GCSAML: variants seen among roughly 807,000 people sequenced by gnomAD.
GCSAML encodes germinal center-associated signaling and motility-like protein.
A neutral mutation model predicts 13.0 loss-of-function variants in GCSAML; 9 were observed. The observed-to-expected ratio is 0.69, with a 90% CI of 0.42 to 1.21. The LOEUF is 1.21. GCSAML is among the 50% of genes most tolerant of loss of function. The pLI, the probability that GCSAML is intolerant of heterozygous loss-of-function variation, is 0.00. For synonymous variants in GCSAML, 37 were observed against 52.9 expected (o/e 0.70, Z 1.31); for missense variants, 143 against 153.4 (o/e 0.93, Z 0.36).
chr1:247,556,398 T>C lies in GCSAML; in HGVS notation c.30-9T>C, dbSNP rs771930409. ...CAATCTCTCTTTTTTCTTATGTGTT[T>C]CCATATAGTTGCCTGGGAGAGAATC... On this transcript the variant is annotated splice_polypyrimidine_tract_variant and intron_variant, in intron 1 of 4. Transcript: ENST00000366488. 6.2e-7 allele frequency: 1 copy of C among 1,600,546 alleles called. No homozygotes were observed. The highest frequency in any genetic ancestry group is 1.7e-5 in the Admixed American group (1 of 59,428).
At chr1:247,568,275 C>G (rs1424510461) in intron 4 of GCSAML, among the ~76,000 whole-genome samples, 1 of 152,050 alleles carries the variant, frequency 6.6e-6, no homozygotes, top group Admixed American at 6.6e-5. Flanking sequence ...ATGGTATTGC[C>G]CAAGTTTTCT....
chr1:247,543,439 G>A (rs1667471869), intron 2 of GCSAML, among the ~76,000 whole-genome samples: 1 of 152,200 alleles, frequency 6.6e-6, no homozygotes, highest in Admixed American at 6.5e-5. Context: ...TTTATCATAA[G>A]TATGTATAGG....
chr1:247,553,735 G>A (rs995995485), intron 1 of GCSAML, among the ~76,000 whole-genome samples: 1 of 152,114 alleles, frequency 6.6e-6, no homozygotes, highest in East Asian at 1.9e-4. Context: ...CAAGGAGCTG[G>A]GATTACAGGC....
At chr1:247,571,884 G>A (rs1295829246) in intron 4 of GCSAML, among the ~76,000 whole-genome samples, 1 of 152,062 alleles carries the variant, frequency 6.6e-6, no homozygotes, top group Non-Finnish European at 1.5e-5. Context: ...ATATTTCTTG[G>A]AGGCTTTGTT....
At chr1:247,516,398 T>C (rs529263129) in intron 1 of GCSAML, among the ~76,000 whole-genome samples, 2 of 152,290 alleles carry the variant, frequency 1.3e-5, no homozygotes, top group South Asian at 4.1e-4. Flanking sequence ...ATTCCTTGTG[T>C]CCATGTTACA....
At chr1:247,573,137 C>G (rs1668690192) in intron 4 of GCSAML, among the ~76,000 whole-genome samples, 1 of 152,222 alleles carries the variant, frequency 6.6e-6, no homozygotes, top group Non-Finnish European at 1.5e-5. Context: ...TGAGCAAGAC[C>G]ACTTGGCTCC....
At chr1:247,530,140 GAA>G (rs1666860021) in intron 2 of GCSAML, 2 of 152,020 alleles carry the variant, frequency 1.3e-5, no homozygotes, top group Non-Finnish European at 2.9e-5. Flanking sequence ...AGTACGAAAG[GAA>G]AGACTACTTT....
At chr1:247,556,749 G>A (rs966450763) in intron 2 of GCSAML, among the ~76,000 whole-genome samples, 9 of 152,186 alleles carry the variant, frequency 5.9e-5, no homozygotes, top group Non-Finnish European at 1.3e-4. Context: ...TTGGTTATAT[G>A]TGGTGGCCAT....
chr1:247,576,846 C>T lies in GCSAML; in HGVS notation c.*2464C>T, dbSNP rs1053905202. 5.9e-5 allele frequency: 9 copies of T among 152,124 alleles called. No individual in the cohort carries two copies. Among genetic ancestry groups the T allele is most frequent in the East Asian group, 1.9e-4 (1 of 5,194 alleles). 9.4% of individuals were successfully genotyped at this position (152,124 alleles called of 1,614,324 possible). On this transcript the variant is annotated 3_prime_UTR_variant, in exon 5 of 5. Coordinates refer to ENST00000366488, the MANE Select transcript of GCSAML (RefSeq NM_145278.5). ...GAAAATGACAAAATTTTTTACTTTT[C>T]GTCTGCCTTTGTAGCTGTTTTATGA...
At chr1:247,559,498 G>A (rs888767871) in intron 2 of GCSAML, among the ~76,000 whole-genome samples, 1 of 152,030 alleles carries the variant, frequency 6.6e-6, no homozygotes, top group Non-Finnish European at 1.5e-5. Flanking sequence ...AGTGTGAGAA[G>A]GTCCCTGTGA....
Position 247,552,975 on chromosome 1 carries a change from T to A in GCSAML, c.30-3432T>A, listed in dbSNP as rs1387343879. ...TTCACCATATTGGCCAGGCTGGTCT[T>A]GAACTCCTGACCTTGTGATCTACCT... On this transcript the variant is annotated intron_variant, in intron 1 of 4. Coordinates refer to ENST00000366488, the MANE Select transcript of GCSAML (RefSeq NM_145278.5). Among the ~76,000 whole-genome samples, 2 of 152,144 alleles carry A rather than the reference T, an allele frequency of 1.3e-5. 1 individual carries two copies. Among genetic ancestry groups the A allele is most frequent in the African/African-American group, 4.8e-5 (2 of 41,432 alleles).
intron 4 of GCSAML, 34 bp from the exon 5 acceptor site, chr1:247,574,109 G>T (rs369906716): frequency 6.8e-5 from 109 of 1,611,154 alleles, no homozygotes; most frequent in Non-Finnish European, 7.7e-5. Flanking sequence ...AATGACCGTG[G>T]ATCCTTGATT....
chr1:247,532,221 C>T (rs1380315620), intron 2 of GCSAML: 3 of 1,614,168 alleles, frequency 1.9e-6, no homozygotes, highest in Middle Eastern at 1.6e-4. Flanking sequence ...GGACCACACA[C>T]CCTCCATAGC....
At chr1:247,538,860 G>A in intron 2 of GCSAML, 4 of 405,422 alleles carry the variant, frequency 9.9e-6, no homozygotes, top group Non-Finnish European at 1.5e-5. Context: ...ATCTCGACCT[G>A]CCTAATACAG....
At chr1:247,520,767 C>A (rs1186373304) in intron 1 of GCSAML, among the ~76,000 whole-genome samples, 1 of 152,098 alleles carries the variant, frequency 6.6e-6, no homozygotes, top group Non-Finnish European at 1.5e-5. Flanking sequence ...CTTATATTTT[C>A]AGTTCAGATT....
At chr1:247,568,943 A>T (rs1400635255) in intron 4 of GCSAML, among the ~76,000 whole-genome samples, 1 of 151,942 alleles carries the variant, frequency 6.6e-6, no homozygotes, top group Non-Finnish European at 1.5e-5. Context: ...TATTGTGAAT[A>T]CAAAGAGAAT....
chr1:247,548,789 CTTA>C (rs1667664542), upstream of GCSAML, among the ~76,000 whole-genome samples: 1 of 152,178 alleles, frequency 6.6e-6, no homozygotes, highest in Non-Finnish European at 1.5e-5. This position sits in a 1 kb window ranked among gnomAD's most constrained non-coding sequence, Gnocchi z 5.3. Flanking sequence ...ATTGTGTAAT[CTTA>C]TTATTATGCT....
chr1:247,565,699 C>G, intron 3 of GCSAML: 1 of 460,586 alleles, frequency 2.2e-6, no homozygotes, highest in Non-Finnish European at 3.8e-6. Context: ...ACAGAAAGAA[C>G]ATACTATTGA....
chr1:247,528,673 G>C (rs908818737), intron 2 of GCSAML: 1 of 152,328 alleles, frequency 6.6e-6, no homozygotes, highest in South Asian at 2.1e-4. Flanking sequence ...CAGTTTAGCT[G>C]GTTGTTAATT....
Sources: allele counts gnomAD v4.1 joint callset (sites outside exome capture counted in the v4.1 genomes callset), GRCh38; gene constraint gnomAD v4.1.1; non-coding constraint Gnocchi (gnomAD v3.1); transcripts MANE v1.5; gene names NCBI Gene and HGNC (gene_info 2026-07-23, HGNC 2026-07-21).